Variants in GRID2 observed in about 807,000 individuals in gnomAD.
GRID2 encodes glutamate ionotropic receptor delta type subunit 2, also known as glutamate receptor ionotropic, delta-2.
In GRID2, 33 loss-of-function variants were observed where a neutral mutation model predicts 114.8. That is an observed-to-expected ratio of 0.29 (90% confidence interval 0.22 to 0.38). The LOEUF (loss-of-function observed/expected upper bound fraction) is 0.38. Ranked by LOEUF, GRID2 falls within the 10% of genes least tolerant of loss-of-function variation. The pLI, the probability that GRID2 is intolerant of heterozygous loss-of-function variation, is 1.00. For missense variants in GRID2, 1,184 were observed against 1,257.7 expected (o/e 0.94, Z 0.89); for synonymous variants, 505 against 449.9 (o/e 1.12, Z -1.55).
intron 2 of GRID2, among the ~76,000 whole-genome samples, chr4:92,609,853 A>C (rs1355421931): frequency 6.6e-6 from 1 of 151,560 alleles, no homozygotes; most frequent in African/African-American, 2.4e-5. Context: ...TGCATATTTG[A>C]TTTTATTTAG....
chr4:92,572,866 A>T (rs1263662708), intron 1 of GRID2, among the ~76,000 whole-genome samples: 2 of 149,742 alleles, frequency 1.3e-5, no homozygotes, highest in Non-Finnish European at 3.0e-5. Context: ...CTTCTTTTTC[A>T]TTTTTTTTTG....
rs1725245504 is a variant in GRID2, at chr4:92,303,997, T to G, written c.-660T>G. On this transcript the variant is annotated 5_prime_UTR_variant, in exon 1 of 16. Transcript: ENST00000282020. Reference sequence around the variant, plus strand: ...GCTCCCCGGGCCCGCCTCGCCAAGCTGCGTTCCGCGCCTCACGCAGAAAGG... The same window carrying G: ...GCTCCCCGGGCCCGCCTCGCCAAGCGGCGTTCCGCGCCTCACGCAGAAAGG... 6.5e-6 allele frequency: 1 copy of G among 152,928 alleles called. No homozygotes were observed. Among genetic ancestry groups the G allele is most frequent in the Non-Finnish European group, 1.5e-5 (1 of 68,608 alleles). 9.5% of individuals were successfully genotyped at this position (152,928 alleles called of 1,614,324 possible). A position where few individuals can be genotyped will look rare whatever the true frequency, so the allele number is the denominator to read the frequency against.
intron 14 of GRID2, among the ~76,000 whole-genome samples, chr4:93,728,182 G>T (rs553045250): frequency 1.2e-4 from 18 of 151,618 alleles, no homozygotes; most frequent in Non-Finnish European, 1.6e-4. Context: ...TCTGGTATGT[G>T]GTGTCTTTGT....
intron 1 of GRID2, among the ~76,000 whole-genome samples, chr4:92,401,260 G>A (rs969310869): frequency 6.6e-6 from 1 of 151,940 alleles, no homozygotes; most frequent in African/African-American, 2.4e-5. Flanking sequence ...TATGCAATTT[G>A]GCAATAGTTT....
intron 1 of GRID2, among the ~76,000 whole-genome samples, chr4:92,479,055 T>A (rs2149102848): frequency 6.6e-6 from 1 of 152,266 alleles, no homozygotes; most frequent in East Asian, 1.9e-4. Context: ...TGAGAATAAG[T>A]ATCTCATATG....
intron 7 of GRID2, among the ~76,000 whole-genome samples, chr4:93,237,949 G>A (rs1746994872): frequency 6.6e-6 from 1 of 151,840 alleles, no homozygotes. Context: ...CAAATTGAAT[G>A]GAATTGTGCT....
chr4:93,682,089 TAAC>T (rs1725612930), intron 14 of GRID2, among the ~76,000 whole-genome samples: 1 of 150,936 alleles, frequency 6.6e-6, no homozygotes, highest in Non-Finnish European at 1.5e-5. Context: ...TACAAGAAAA[TAAC>T]AAACAACCCC....
intron 1 of GRID2, among the ~76,000 whole-genome samples, chr4:92,365,374 C>T (rs576423906): frequency 2.6e-5 from 4 of 151,904 alleles, no homozygotes; most frequent in Non-Finnish European, 5.9e-5. Context: ...TGAAATAAGT[C>T]AGGCACTGAG....
chr4:92,955,539 G>A (rs1283756813), intron 2 of GRID2, among the ~76,000 whole-genome samples: 1 of 151,984 alleles, frequency 6.6e-6, no homozygotes, highest in Non-Finnish European at 1.5e-5. Context: ...TGAGTAGGTT[G>A]TGAAAATTTT....
At chr4:93,079,588 A>G (rs1729667397) in intron 2 of GRID2, among the ~76,000 whole-genome samples, 1 of 152,040 alleles carries the variant, frequency 6.6e-6, no homozygotes, top group African/African-American at 2.4e-5. Context: ...TACTAGTGTT[A>G]CAGATTCACT....
intron 1 of GRID2, among the ~76,000 whole-genome samples, chr4:92,522,221 T>C (rs1290178376): frequency 6.6e-6 from 1 of 151,708 alleles, no homozygotes; most frequent in Non-Finnish European, 1.5e-5. Flanking sequence ...AGGAAAGAGA[T>C]AGAACACATA....
intron 2 of GRID2, among the ~76,000 whole-genome samples, chr4:92,618,809 T>G (rs1357582670): frequency 6.6e-6 from 1 of 151,706 alleles, no homozygotes; most frequent in Non-Finnish European, 1.5e-5. Context: ...GGGATTATGG[T>G]TTTTATTTAT....
chr4:93,569,754 A>G (rs1469794656), intron 13 of GRID2, among the ~76,000 whole-genome samples: 1 of 151,884 alleles, frequency 6.6e-6, no homozygotes, highest in Non-Finnish European at 1.5e-5. Flanking sequence ...TTCCATGTGT[A>G]TTTCACCTCA....
At chr4:92,515,526 A>G (rs552399244) in intron 1 of GRID2, among the ~76,000 whole-genome samples, 1 of 151,994 alleles carries the variant, frequency 6.6e-6, no homozygotes, top group Non-Finnish European at 1.5e-5. Flanking sequence ...GGCAATTATA[A>G]TAAGAGAGTA....
intron 1 of GRID2, among the ~76,000 whole-genome samples, chr4:92,403,510 A>G (rs1730884985): frequency 6.6e-6 from 1 of 151,920 alleles, no homozygotes; most frequent in Non-Finnish European, 1.5e-5. Flanking sequence ...AGCCTGACCA[A>G]TATGGTGGAA....
chr4:92,445,993 G>A (rs1196416683), intron 1 of GRID2, among the ~76,000 whole-genome samples: 1 of 152,136 alleles, frequency 6.6e-6, no homozygotes, highest in Non-Finnish European at 1.5e-5. Context: ...AGCCCAGGCT[G>A]GAGTGCAGTG....
intron 2 of GRID2, among the ~76,000 whole-genome samples, chr4:92,842,611 G>A (rs79722211): frequency 0.042 from 6,325 of 152,214 alleles, 182 homozygotes; most frequent in Non-Finnish European, 0.06. Context: ...ATAGTAGGCA[G>A]CTTGGCAGGT....
intron 1 of GRID2, among the ~76,000 whole-genome samples, chr4:92,394,847 C>A (rs1730418063): frequency 6.6e-6 from 1 of 151,566 alleles, no homozygotes; most frequent in Non-Finnish European, 1.5e-5. Flanking sequence ...TTTTTAACAG[C>A]TATACTAAAA....
At chr4:93,599,536 T>A (rs549850590) in intron 13 of GRID2, among the ~76,000 whole-genome samples, 1 of 152,336 alleles carries the variant, frequency 6.6e-6, no homozygotes, top group South Asian at 2.1e-4. Flanking sequence ...TCATTTCAGT[T>A]TGAGATAAAA....
Sources: gnomAD v4.1 joint callset for allele counts (sites outside exome capture counted in the v4.1 genomes callset) on GRCh38, gnomAD v4.1.1 for gene constraint, MANE v1.5 for transcripts, NCBI Gene and HGNC (gene_info 2026-07-23, HGNC 2026-07-21) for gene names.